The following SDK1 variants were observed in gnomAD, a reference collection of about 807,000 sequenced individuals.
SDK1 encodes the protein protein sidekick-1.
SDK1 carries 157 observed loss-of-function variants against 245.5 expected under a neutral mutation model. That is an observed-to-expected ratio of 0.64 (90% CI 0.56 to 0.73). The LOEUF (loss-of-function observed/expected upper bound fraction) is 0.73. SDK1 is among the 30% of genes least tolerant of loss of function. The pLI, the probability that SDK1 is intolerant of heterozygous loss-of-function variation, is 0.00. For missense variants in SDK1, 3,583 were observed against 3,002.3 expected, an observed-to-expected ratio of 1.19 and a Z score of -4.52; for synonymous variants, 1,647 against 1,278.5, an observed-to-expected ratio of 1.29 and a Z score of -6.15.
chr7:3,825,769 T>G (rs996569434), intron 5 of SDK1, among the ~76,000 whole-genome samples: 3 of 152,240 alleles, frequency 2.0e-5, no homozygotes, highest in African/African-American at 7.2e-5. Context: ...ATGGCTTTTG[T>G]GTGCCCAGGT....
At chr7:4,187,838 A>G (rs900583094) in intron 35 of SDK1, among the ~76,000 whole-genome samples, 3 of 152,198 alleles carry the variant, frequency 2.0e-5, no homozygotes, top group African/African-American at 4.8e-5. Context: ...TTCAGTCTCA[A>G]CTGTTAGAAA....
rs1781269379 is a variant in SDK1, at chr7:3,602,005, A to C, written c.299-17075A>C. ...ATCCATGTCTCTACAAAGGACATGA[A>C]CTCATCCTTTTTTATGGCTGCATAG... On this transcript the variant is annotated intron_variant, in intron 1 of 44. Coordinates refer to ENST00000404826, the MANE Select transcript of SDK1 (RefSeq NM_152744.4). Among the ~76,000 whole-genome samples the C allele has an allele frequency of 2.0e-5, 3 of 151,540 alleles. No homozygotes were observed. In the South Asian group the frequency reaches 6.3e-4, roughly 32 times the overall value.
At chr7:3,933,074 A>C (rs2128118223) in intron 5 of SDK1, among the ~76,000 whole-genome samples, 1 of 151,732 alleles carries the variant, frequency 6.6e-6, no homozygotes, top group South Asian at 2.1e-4. Flanking sequence ...AGGGTAGCAC[A>C]AATCCTCTCT....
intron 6 of SDK1, 112 bp from the exon 7 acceptor site, chr7:3,951,618 A>G (rs1429668900): frequency 2.8e-5 from 25 of 886,474 alleles, no homozygotes; most frequent in Non-Finnish European, 4.1e-5. Context: ...TCAACCCACC[A>G]TGCACCCTGG....
intron 13 of SDK1, among the ~76,000 whole-genome samples, chr7:3,981,068 C>T (rs1176179076): frequency 1.3e-5 from 2 of 152,150 alleles, no homozygotes; most frequent in African/African-American, 4.8e-5. Flanking sequence ...TGCAGCAACC[C>T]TGTGTTAAGT....
rs563102377 is a variant in SDK1, at chr7:4,217,283, G to A, written c.5540-2826G>A. ...CACCACCCGGAGCACCAGGCCACCCGGAGAACCACACTACCTGGAGAACCA... is the reference window on the plus strand; with the variant it reads ...CACCACCCGGAGCACCAGGCCACCCAGAGAACCACACTACCTGGAGAACCA... On this transcript the variant is annotated intron_variant, in intron 38 of 44. Coordinates refer to ENST00000404826, the MANE Select transcript of SDK1 (RefSeq NM_152744.4). Among the ~76,000 whole-genome samples the A allele has an allele frequency of 3.0e-5, 4 of 133,132 alleles. No individual in the cohort carries two copies. In the East Asian group the frequency reaches 6.9e-4, roughly 23 times the overall value. 87.3% of individuals were successfully genotyped at this position (133,132 alleles called of 152,430 possible). A position where few individuals can be genotyped will look rare whatever the true frequency, so the allele number is the denominator to read the frequency against.
intron 1 of SDK1, among the ~76,000 whole-genome samples, chr7:3,501,310 C>G (rs1426501623): frequency 6.6e-6 from 1 of 151,736 alleles, no homozygotes; most frequent in African/African-American, 2.4e-5. Flanking sequence ...ACTGTTTTTA[C>G]TATTCTTCCC....
At chr7:3,831,627 G>C (rs992055359) in intron 5 of SDK1, among the ~76,000 whole-genome samples, 4 of 152,196 alleles carry the variant, frequency 2.6e-5, no homozygotes, top group East Asian at 1.9e-4. Context: ...TTTAACTTCA[G>C]TTTCCAATTT....
intron 1 of SDK1, among the ~76,000 whole-genome samples, chr7:3,614,572 C>A (rs1781709050): frequency 6.6e-6 from 1 of 152,224 alleles, no homozygotes; most frequent in Non-Finnish European, 1.5e-5. Context: ...TGCAGGGCAT[C>A]TGTGCAGACT....
chr7:4,245,910 C>T lies in SDK1; in HGVS notation c.6381+105C>T, dbSNP rs1411778686. 3.6e-6 allele frequency: 5 copies of T among 1,372,450 alleles called. No homozygotes were observed. The Admixed American group carries it at 7.7e-5, about 21-fold the overall frequency. 85.0% of individuals were successfully genotyped at this position (1,372,450 alleles called of 1,614,324 possible). On this transcript the variant is annotated intron_variant, in intron 44 of 44. Transcript: ENST00000404826. ...TTGTCCTATTTGAGTCTCATAACAT[C>T]CCCACAGGCAGAGCCAAGGACAAAG... is the stretch of plus-strand genomic sequence containing the variant.
chr7:3,428,153 C>G (rs1444184489), intron 1 of SDK1, among the ~76,000 whole-genome samples: 1 of 152,186 alleles, frequency 6.6e-6, no homozygotes, highest in African/African-American at 2.4e-5. Context: ...TGACCAATCA[C>G]TGACAGGCTT....
intron 5 of SDK1, among the ~76,000 whole-genome samples, chr7:3,842,379 C>T (rs1434676043): frequency 1.3e-5 from 2 of 152,168 alleles, no homozygotes; most frequent in South Asian, 2.1e-4. Flanking sequence ...GGCCTGGGTA[C>T]TGGGTCACTG....
chr7:3,915,626 C>A (rs1325287287), intron 5 of SDK1, among the ~76,000 whole-genome samples: 1 of 152,198 alleles, frequency 6.6e-6, no homozygotes, highest in African/African-American at 2.4e-5. Context: ...GCCTCTTTTT[C>A]TTTATGAATT....
intron 37 of SDK1, 120 bp downstream of exon 37, chr7:4,208,405 G>A (rs2128227780): frequency 1.2e-6 from 1 of 827,416 alleles, no homozygotes; most frequent in East Asian, 2.7e-5. Context: ...AACACCTTTT[G>A]AGTAGCTGGG....
intron 4 of SDK1, among the ~76,000 whole-genome samples, chr7:3,799,731 G>C (rs1375743841): frequency 1.4e-5 from 2 of 147,256 alleles, no homozygotes; most frequent in Non-Finnish European, 3.0e-5. Flanking sequence ...AAATGACCTC[G>C]TTTATCCTAA....
rs148399531 is a variant in SDK1 at position 3,639,361 on chromosome 7, G to A, written c.565+251G>A. Reference sequence around the variant, plus strand: ...GACCCTAAGAGGCCCTGGGGAGGACGAAAAAGTGAATGGGGTGCCTTCTGT... The same window carrying A: ...GACCCTAAGAGGCCCTGGGGAGGACAAAAAAGTGAATGGGGTGCCTTCTGT... On this transcript the variant is annotated intron_variant, in intron 3 of 44. Coordinates refer to ENST00000404826, the MANE Select transcript of SDK1 (RefSeq NM_152744.4). Among the ~76,000 whole-genome samples, 140 of 152,264 alleles carry A rather than the reference G, an allele frequency of 9.2e-4. 3 individuals are homozygous for A. Among genetic ancestry groups the A allele is most frequent in the African/African-American group, 2.6e-3 (107 of 41,554 alleles).
chr7:3,747,294 C>A (rs1469012335), intron 4 of SDK1, among the ~76,000 whole-genome samples: 2 of 152,172 alleles, frequency 1.3e-5, no homozygotes, highest in Admixed American at 6.5e-5. Context: ...ACCCAATAGG[C>A]AAGTCTTTAG....
intron 18 of SDK1, 111 bp from the exon 19 acceptor site, chr7:4,051,523 ACTTT>A (rs1425293786): frequency 1.7e-5 from 15 of 868,408 alleles, no homozygotes; most frequent in Admixed American, 3.1e-5. Context: ...GGATTTATGG[ACTTT>A]CTTAATTATG....
intron 5 of SDK1, among the ~76,000 whole-genome samples, chr7:3,934,124 G>A (rs796589032): frequency 1.3e-5 from 2 of 152,336 alleles, no homozygotes; most frequent in African/African-American, 4.8e-5. Context: ...TCTGTGAGTT[G>A]AACAGTGGTA....
Sources: allele counts gnomAD v4.1 joint callset (sites outside exome capture counted in the v4.1 genomes callset), GRCh38; gene constraint gnomAD v4.1.1; transcripts MANE v1.5; gene names NCBI Gene and HGNC (gene_info 2026-07-23, HGNC 2026-07-21).